SUCLG2: variants seen among roughly 807,000 people sequenced by gnomAD.
SUCLG2 encodes the protein succinate--CoA ligase [GDP-forming] subunit beta, mitochondrial.
Under a neutral mutation model 47.9 loss-of-function variants are expected in SUCLG2, and 42 were observed. That is an observed-to-expected ratio of 0.88 (90% CI 0.69 to 1.14). The LOEUF is 1.14. SUCLG2 is among the 50% of genes most tolerant of loss of function. The pLI is 0.00. For missense variants in SUCLG2, 571 were observed against 525.9 expected (o/e 1.09, Z -0.84); for synonymous variants, 195 against 197.3 (o/e 0.99, Z 0.10).
intron 4 of SUCLG2, among the ~76,000 whole-genome samples, chr3:67,525,312 CA>C (rs1706226862): frequency 6.6e-6 from 1 of 152,078 alleles, no homozygotes; most frequent in South Asian, 2.1e-4. Flanking sequence ...GGAACTAGAA[CA>C]GGTAAAACTG....
At chr3:67,433,746 T>C (rs1190061757) in intron 9 of SUCLG2, among the ~76,000 whole-genome samples, 3 of 150,742 alleles carry the variant, frequency 2.0e-5, no homozygotes, top group East Asian at 3.9e-4. Context: ...AAATTTAAGG[T>C]GTAAAGACTA....
At chr3:67,458,002 C>T (rs1248781499) in intron 9 of SUCLG2, among the ~76,000 whole-genome samples, 1 of 152,096 alleles carries the variant, frequency 6.6e-6, no homozygotes, top group Non-Finnish European at 1.5e-5. Context: ...GAGTCTCTGC[C>T]TTTGCCCTCT....
intron 4 of SUCLG2, among the ~76,000 whole-genome samples, chr3:67,521,182 C>T (rs1054690767): frequency 2.6e-5 from 4 of 152,110 alleles, no homozygotes; most frequent in Admixed American, 6.6e-5. Context: ...ATAATGCAAA[C>T]GATACCAAAA....
At chr3:67,376,572 CT>C in intron 10 of SUCLG2, 1 of 905,010 alleles carries the variant, frequency 1.1e-6, no homozygotes, top group Non-Finnish European at 1.3e-6. Flanking sequence ...ATTTCCTGTG[CT>C]TTTATCTAGT....
At chr3:67,584,290 C>T (rs1232048037) in intron 2 of SUCLG2, among the ~76,000 whole-genome samples, 18 of 152,026 alleles carry the variant, frequency 1.2e-4, no homozygotes, top group Non-Finnish European at 1.5e-5. Flanking sequence ...GAAGGAAGCT[C>T]GACACAAGAG....
At chr3:67,634,241 A>T (rs923934512) in intron 1 of SUCLG2, among the ~76,000 whole-genome samples, 1 of 152,060 alleles carries the variant, frequency 6.6e-6, no homozygotes, top group Non-Finnish European at 1.5e-5. Flanking sequence ...TCCTTTGCTA[A>T]CTCTTCACCA....
chr3:67,483,130 G>C (rs191513836), intron 9 of SUCLG2, among the ~76,000 whole-genome samples: 154 of 152,196 alleles, frequency 1.0e-3, no homozygotes, highest in African/African-American at 3.3e-3. Context: ...TCCTGGGTAT[G>C]CAGATGAAAT....
intron 2 of SUCLG2, among the ~76,000 whole-genome samples, chr3:67,574,321 G>A (rs776627324): frequency 6.6e-5 from 10 of 152,166 alleles, no homozygotes; most frequent in Admixed American, 5.2e-4. Flanking sequence ...CAGGGCTTAC[G>A]ACATGGACGT....
intron 2 of SUCLG2, among the ~76,000 whole-genome samples, chr3:67,581,866 T>A (rs1212414325): frequency 6.6e-6 from 1 of 152,158 alleles, no homozygotes; most frequent in African/African-American, 2.4e-5. Context: ...CTTCTAACAA[T>A]ACAGTTAATC....
chr3:67,444,649 G>C lies in SUCLG2; in HGVS notation c.1063-43798C>G. On this transcript the variant is annotated intron_variant, in intron 9 of 10. Coordinates refer to ENST00000307227, the MANE Select transcript of SUCLG2 (RefSeq NM_003848.4). ...GTCCGGGAGGGAGGTGGGGGTGTCA[G>C]TCCCCCGCCCGGCCAGCCGCCCCGT... 2.2e-4 allele frequency among the ~76,000 whole-genome samples: 2 copies of C among 9,132 alleles called. 1 individual carries two copies. Among genetic ancestry groups the C allele is most frequent in the Non-Finnish European group, 3.8e-4 (2 of 5,206 alleles). The allele number at this position is 9,132 out of a possible 152,430, so 6.0% of individuals were successfully genotyped here.
chr3:67,376,345 GC>G, intron 10 of SUCLG2: 1 of 985,380 alleles, frequency 1.0e-6, no homozygotes, highest in Non-Finnish European at 1.2e-6. Context: ...AATGAAATGG[GC>G]TGAGCCCTTC....
intron 6 of SUCLG2, among the ~76,000 whole-genome samples, chr3:67,510,565 T>C (rs946687448): frequency 6.6e-6 from 1 of 152,216 alleles, no homozygotes; most frequent in Non-Finnish European, 1.5e-5. Flanking sequence ...CTCCTTCATC[T>C]GTCTTAAAAA....
intron 9 of SUCLG2, among the ~76,000 whole-genome samples, chr3:67,448,067 A>G (rs1274639843): frequency 6.6e-6 from 1 of 152,230 alleles, no homozygotes; most frequent in Non-Finnish European, 1.5e-5. Context: ...CAATTAAAAT[A>G]TTAATATGTT....
At chr3:67,407,772 TA>T (rs113307918) in intron 9 of SUCLG2, among the ~76,000 whole-genome samples, 2,823 of 152,262 alleles carry the variant, frequency 0.019, 102 homozygotes, top group African/African-American at 0.064. Flanking sequence ...AGGACTTTTT[TA>T]AAAAAATCAC....
At chr3:67,420,157 T>C (rs1041531882) in intron 9 of SUCLG2, among the ~76,000 whole-genome samples, 1 of 152,134 alleles carries the variant, frequency 6.6e-6, no homozygotes, top group Non-Finnish European at 1.5e-5. Flanking sequence ...AAAATGGACT[T>C]GGGTGAAAAA....
At chr3:67,486,969 C>T (rs1415043867) in intron 9 of SUCLG2, among the ~76,000 whole-genome samples, 1 of 151,992 alleles carries the variant, frequency 6.6e-6, no homozygotes, top group Non-Finnish European at 1.5e-5. Flanking sequence ...TTAATTTTAG[C>T]ACACAGGCGA....
At chr3:67,609,984 G>A (rs926127666) in intron 1 of SUCLG2, among the ~76,000 whole-genome samples, 1 of 152,136 alleles carries the variant, frequency 6.6e-6, no homozygotes, top group Non-Finnish European at 1.5e-5. Flanking sequence ...CTTCCTTTGA[G>A]TCTACAAGTA....
chr3:67,380,721 A>C (rs577121157), intron 10 of SUCLG2, among the ~76,000 whole-genome samples: 2 of 146,868 alleles, frequency 1.4e-5, no homozygotes, highest in African/African-American at 5.0e-5. Flanking sequence ...GAGAGAGACA[A>C]ATGAAGAGAG....
intron 10 of SUCLG2, among the ~76,000 whole-genome samples, chr3:67,397,639 T>A (rs866471281): frequency 6.6e-6 from 1 of 152,068 alleles, no homozygotes; most frequent in South Asian, 2.1e-4. Flanking sequence ...AAGCTACCAA[T>A]GACTTTCTTC....
Sources: allele counts gnomAD v4.1 joint callset (sites outside exome capture counted in the v4.1 genomes callset), GRCh38; gene constraint gnomAD v4.1.1; transcripts MANE v1.5; gene names NCBI Gene and HGNC (gene_info 2026-07-23, HGNC 2026-07-21).